Variants in CD96 observed in about 807,000 individuals in gnomAD.
The protein encoded by CD96 is T-cell surface protein tactile.
CD96 carries 70 observed loss-of-function variants against 71.3 expected under a neutral mutation model. That is an observed-to-expected ratio of 0.98 (90% CI 0.81 to 1.20). The LOEUF is 1.20. Among genes scored for constraint, CD96 ranks in the 50% most tolerant of loss-of-function variants. The pLI, the probability that CD96 is intolerant of heterozygous loss-of-function variation, is 0.00. For missense variants in CD96, 742 were observed against 677.5 expected, an observed-to-expected ratio of 1.10 and a Z score of -1.06; for synonymous variants, 248 against 233.0, an observed-to-expected ratio of 1.06 and a Z score of -0.59.
intron 14 of CD96, among the ~76,000 whole-genome samples, chr3:111,658,282 G>A (rs1015416947): frequency 6.6e-5 from 10 of 152,152 alleles, no homozygotes; most frequent in African/African-American, 2.4e-4. Context: ...AGAAACCATT[G>A]AGAAAAGCAG....
intron 12 of CD96, among the ~76,000 whole-genome samples, chr3:111,643,382 G>A (rs1234402998): frequency 6.6e-6 from 1 of 152,092 alleles, no homozygotes; most frequent in Non-Finnish European, 1.5e-5. Flanking sequence ...AATACTGAAT[G>A]GGGAAAAGAT....
chr3:111,591,260 C>G (rs1224385024), intron 5 of CD96, among the ~76,000 whole-genome samples: 1 of 150,954 alleles, frequency 6.6e-6, no homozygotes, highest in African/African-American at 2.4e-5. Flanking sequence ...GTAGTCCCAG[C>G]TACTCAGGAG....
intron 5 of CD96, among the ~76,000 whole-genome samples, chr3:111,591,521 G>C (rs1936986169): frequency 6.6e-6 from 1 of 152,104 alleles, no homozygotes; most frequent in Non-Finnish European, 1.5e-5. Context: ...GTTTCCTCAA[G>C]CTTCCTAAGC....
At chr3:111,653,808 G>A (rs537751347), downstream of CD96, among the ~76,000 whole-genome samples, 5 of 149,968 alleles carry the variant, frequency 3.3e-5, no homozygotes, top group East Asian at 1.9e-4. Context: ...GCTGAGAAGC[G>A]ATAATTTTTT....
intron 12 of CD96, among the ~76,000 whole-genome samples, chr3:111,644,020 C>T (rs1335318726): frequency 6.6e-6 from 1 of 152,066 alleles, no homozygotes; most frequent in Non-Finnish European, 1.5e-5. Context: ...AAAGAGCCCA[C>T]ATAACCAAAG....
At chr3:111,567,718 G>C in intron 3 of CD96, 71 bp downstream of exon 3, 1 of 1,309,894 alleles carries the variant, frequency 7.6e-7, no homozygotes, top group Non-Finnish European at 1.1e-6. Context: ...TGAATAAGCA[G>C]TAATAATAGG....
At chr3:111,615,627 AAAATAATCTAGGTTTAGAATGAAAGC>A (rs1373021552) in intron 8 of CD96, among the ~76,000 whole-genome samples, 1 of 152,148 alleles carries the variant, frequency 6.6e-6, no homozygotes, top group Non-Finnish European at 1.5e-5. Context: ...TGTTTTAATA[AAAATAATCTAGGTTTAGAATGAAAGC>A]AAATAATCTA....
chr3:111,556,084 T>C (rs1935007218), intron 2 of CD96, among the ~76,000 whole-genome samples: 1 of 152,308 alleles, frequency 6.6e-6, no homozygotes, highest in African/African-American at 2.4e-5. Context: ...GCTACTGACA[T>C]TTCAACTCTA....
At chr3:111,640,316 T>C (rs1359376111) in intron 12 of CD96, among the ~76,000 whole-genome samples, 1 of 152,168 alleles carries the variant, frequency 6.6e-6, no homozygotes, top group African/African-American at 2.4e-5. Context: ...CAGGAAACTT[T>C]AGACACACTT....
intron 4 of CD96, 88 bp from the exon 5 acceptor site, chr3:111,585,235 T>C (rs1936651300): frequency 3.3e-6 from 2 of 613,328 alleles, no homozygotes; most frequent in Non-Finnish European, 6.0e-6. Context: ...TGAATGAAGA[T>C]GCTTATAGAC....
intron 7 of CD96, among the ~76,000 whole-genome samples, chr3:111,602,844 A>C (rs1469914499): frequency 6.6e-6 from 1 of 152,224 alleles, no homozygotes; most frequent in East Asian, 1.9e-4. Context: ...AACGCTAAGA[A>C]TATTACACAT....
chr3:111,577,967 T>C (rs1936293689), intron 3 of CD96, among the ~76,000 whole-genome samples: 1 of 152,234 alleles, frequency 6.6e-6, no homozygotes, highest in Non-Finnish European at 1.5e-5. Flanking sequence ...GGCCAGTAGA[T>C]GTCAGCCCTG....
At chr3:111,644,060 G>C (rs1939715566) in intron 12 of CD96, among the ~76,000 whole-genome samples, 1 of 152,084 alleles carries the variant, frequency 6.6e-6, no homozygotes, top group Admixed American at 6.6e-5. Flanking sequence ...CAAATCTGGA[G>C]GCATCACATA....
chr3:111,553,828 C>T lies in CD96; in HGVS notation c.418+8426C>T, dbSNP rs951252881. 7.9e-5 allele frequency among the ~76,000 whole-genome samples: 12 copies of T among 151,958 alleles called. No individual in the cohort carries two copies. The South Asian group carries it at 1.2e-3, about 16-fold the overall frequency. On this transcript the variant is annotated intron_variant, in intron 2 of 13. Transcript: ENST00000352690. ...CATACTGATGAATTTCAATTCATTACGGTTATTATCCTTATTTTACTGAAA... is the reference window on the plus strand; with the variant it reads ...CATACTGATGAATTTCAATTCATTATGGTTATTATCCTTATTTTACTGAAA...
Position 111,651,896 on chromosome 3 carries a change from A to AAAAAGAAAGAAAGAAAGAAAGAAAGAAAG in CD96, c.*2093_*2094insAGAAAGAAAGAAAGAAAGAAAGAAAGAAA, listed in dbSNP as rs1553713922. The AAAAAGAAAGAAAGAAAGAAAGAAAGAAAG allele has an allele frequency of 4.1e-4, 60 of 146,472 alleles. 1 individual carries two copies. Among genetic ancestry groups the AAAAAGAAAGAAAGAAAGAAAGAAAGAAAG allele is most frequent in the African/African-American group, 1.5e-3 (59 of 39,416 alleles). 9.1% of individuals were successfully genotyped at this position (146,472 alleles called of 1,614,324 possible). ...GAGACTCCGCCTCAAAAAAAAAAAA[A>AAAAAGAAAGAAAGAAAGAAAGAAAGAAAG]AAAGAAAGAAAGAAAGAAAGAAAGA... On this transcript the variant is annotated 3_prime_UTR_variant, in exon 14 of 14. Transcript: ENST00000352690.
At chr3:111,556,369 A>C (rs1288746563) in intron 2 of CD96, among the ~76,000 whole-genome samples, 3 of 96,934 alleles carry the variant, frequency 3.1e-5, no homozygotes, top group Non-Finnish European at 5.9e-5. Context: ...CCCACCCCAC[A>C]ACAGTCCCCA....
intron 8 of CD96, among the ~76,000 whole-genome samples, chr3:111,618,374 C>T (rs1938350487): frequency 6.6e-6 from 1 of 152,100 alleles, no homozygotes; most frequent in South Asian, 2.1e-4. Flanking sequence ...ATGAGAGTAA[C>T]ATTATCTAGT....
intron 14 of CD96, among the ~76,000 whole-genome samples, chr3:111,663,456 A>G (rs1171202368): frequency 6.6e-6 from 1 of 152,252 alleles, no homozygotes; most frequent in Non-Finnish European, 1.5e-5. Context: ...GTTTCTGCAC[A>G]GCAAAAGAAA....
intron 5 of CD96, among the ~76,000 whole-genome samples, chr3:111,586,972 T>C (rs1936742246): frequency 6.6e-6 from 1 of 152,054 alleles, no homozygotes; most frequent in Admixed American, 6.5e-5. Flanking sequence ...GTCCAAAGTC[T>C]CATCTGAGAT....
Sources: gnomAD v4.1 joint callset for allele counts (sites outside exome capture counted in the v4.1 genomes callset) on GRCh38, gnomAD v4.1.1 for gene constraint, MANE v1.5 for transcripts, NCBI Gene and HGNC (gene_info 2026-07-23, HGNC 2026-07-21) for gene names.